The following EDA variants were observed in gnomAD, a reference collection of about 807,000 sequenced individuals.
The protein encoded by EDA is ectodysplasin-A.
In EDA, 2 loss-of-function variants were observed where a neutral mutation model predicts 23.6. That is an observed-to-expected ratio of 0.08 (90% CI 0.03 to 0.27). The LOEUF (loss-of-function observed/expected upper bound fraction) is 0.27. EDA is among the 10% of genes least tolerant of loss of function. EDA has a pLI of 1.00. For missense variants in EDA, 229 were observed against 324.2 expected (o/e 0.71, Z 2.26); for synonymous variants, 131 against 132.0 (o/e 0.99, Z 0.05).
intron 1 of EDA, chrX:69,749,641 G>C (rs1364794009): frequency 2.7e-5 from 3 of 111,699 alleles, no homozygotes; most frequent in East Asian, 2.8e-4. Context: ...GGAGTAGCCA[G>C]CATTGGTTCT....
chrX:69,957,488 A>C (rs992164435), intron 2 of EDA: 28 of 178,673 alleles, frequency 1.6e-4, no homozygotes, highest in African/African-American at 3.8e-4. Flanking sequence ...CAAAAAAAAA[A>C]AAACAAAAAA....
At chrX:70,014,674 T>G (rs1442977768) in intron 2 of EDA, among the ~76,000 whole-genome samples, 1 of 111,783 alleles carries the variant, frequency 8.9e-6, no homozygotes, top group Non-Finnish European at 1.9e-5. Flanking sequence ...TACAATAAAA[T>G]GATACAGGAG....
intron 1 of EDA, among the ~76,000 whole-genome samples, chrX:69,884,769 G>A (rs746605749): frequency 8.9e-6 from 1 of 111,994 alleles, no homozygotes; most frequent in African/African-American, 3.2e-5. Context: ...GAATAGTGCT[G>A]CTATGAACAT....
intron 1 of EDA, among the ~76,000 whole-genome samples, chrX:69,714,079 G>T (rs1401846045): frequency 2.7e-5 from 3 of 110,497 alleles, no homozygotes; most frequent in Non-Finnish European, 5.7e-5. Flanking sequence ...CCAGCATTTG[G>T]CACTGTCACT....
chrX:69,748,706 C>T (rs149863747), intron 1 of EDA, among the ~76,000 whole-genome samples: 1,737 of 111,398 alleles, frequency 0.016, 31 homozygotes, highest in African/African-American at 0.055. Context: ...ACCACTTACC[C>T]GCAGCATGGT....
chrX:69,780,046 A>G (rs1322647699), intron 1 of EDA, among the ~76,000 whole-genome samples: 4 of 23 alleles, frequency 0.17, no homozygotes, highest in Non-Finnish European at 0.23. Flanking sequence ...GTGGCTACTT[A>G]TATCATAAAA....
intron 1 of EDA, among the ~76,000 whole-genome samples, chrX:69,940,537 T>C (rs979099427): frequency 9.0e-6 from 1 of 111,275 alleles, no homozygotes. Flanking sequence ...AAAAAAACTT[T>C]TCATTTTATT....
intron 1 of EDA, among the ~76,000 whole-genome samples, chrX:69,784,450 T>C (rs1196261551): frequency 1.1e-5 from 1 of 91,571 alleles, no homozygotes; most frequent in Non-Finnish European, 2.2e-5. Flanking sequence ...CTTTAATCCA[T>C]CTTGAATTGA....
At chrX:69,893,182 C>T (rs2017959030) in intron 1 of EDA, among the ~76,000 whole-genome samples, 1 of 110,855 alleles carries the variant, frequency 9.0e-6, no homozygotes, top group African/African-American at 3.3e-5. Flanking sequence ...CCAACCTCTG[C>T]CTTAATCTTC....
chrX:69,999,483 G>A (rs1037995319), intron 2 of EDA, among the ~76,000 whole-genome samples: 1 of 109,977 alleles, frequency 9.1e-6, no homozygotes, highest in South Asian at 3.9e-4. Flanking sequence ...GGGCACAGTG[G>A]CAGGTGCCTG....
chrX:70,017,551 T>G (rs746901981), intron 2 of EDA, among the ~76,000 whole-genome samples: 2 of 112,258 alleles, frequency 1.8e-5, no homozygotes, highest in Non-Finnish European at 3.8e-5. Flanking sequence ...TCAATGTACG[T>G]AAATCAATAA....
chrX:69,860,915 C>T (rs1414100781), intron 1 of EDA: 1 of 524,348 alleles, frequency 1.9e-6, no homozygotes, highest in Admixed American at 2.6e-5. Context: ...CTCTGAAGAT[C>T]TGTTAAAAGC....
chrX:69,990,668 G>A (rs2019574699), intron 2 of EDA, among the ~76,000 whole-genome samples: 1 of 109,911 alleles, frequency 9.1e-6, no homozygotes, highest in Non-Finnish European at 1.9e-5. Context: ...GGATATTATC[G>A]AAAAGTTTTC....
intron 1 of EDA, among the ~76,000 whole-genome samples, chrX:69,715,842 G>GT (rs922536745): frequency 6.1e-4 from 67 of 109,734 alleles, no homozygotes; most frequent in African/African-American, 1.8e-3. Context: ...GTGATATTGA[G>GT]TTTTTTTTTC....
intron 1 of EDA, among the ~76,000 whole-genome samples, chrX:69,674,707 G>A (rs1033923925): frequency 5.4e-5 from 6 of 111,857 alleles, no homozygotes; most frequent in Admixed American, 1.9e-4. Flanking sequence ...TAAGTGGCTT[G>A]GAATTTGGCT....
intron 1 of EDA, among the ~76,000 whole-genome samples, chrX:69,906,773 A>C (rs1382807512): frequency 9.0e-6 from 1 of 111,701 alleles, no homozygotes; most frequent in East Asian, 2.8e-4. Context: ...ACACATACAC[A>C]CCCCTACAGG....
At chrX:69,931,986 TC>T (rs1214220638) in intron 1 of EDA, among the ~76,000 whole-genome samples, 1 of 112,285 alleles carries the variant, frequency 8.9e-6, no homozygotes, top group Non-Finnish European at 1.9e-5. Flanking sequence ...CTCTGTTACA[TC>T]CATGCAACAG....
chrX:69,803,636 TC>T (rs1006989059), intron 1 of EDA, among the ~76,000 whole-genome samples: 5 of 111,298 alleles, frequency 4.5e-5, no homozygotes, highest in Non-Finnish European at 9.5e-5. Flanking sequence ...ATATCTATCA[TC>T]TCAAACATTT....
chrX:69,711,157 G>A (rs1305715849), intron 1 of EDA, among the ~76,000 whole-genome samples: 2 of 110,916 alleles, frequency 1.8e-5, no homozygotes, highest in South Asian at 7.6e-4. Flanking sequence ...ATTATTTTGA[G>A]ATACGTCCCA....
Sources: allele counts gnomAD v4.1 joint callset (sites outside exome capture counted in the v4.1 genomes callset), GRCh38; gene constraint gnomAD v4.1.1; transcripts MANE v1.5; gene names NCBI Gene and HGNC (gene_info 2026-07-23, HGNC 2026-07-21).